CHAT: variants seen among roughly 807,000 people sequenced by gnomAD.
The protein encoded by CHAT is acetyl CoA:choline O-acetyltransferase.
In CHAT, 61 loss-of-function variants were observed where a neutral mutation model predicts 76.9. That is an observed-to-expected ratio of 0.79 (90% CI 0.65 to 0.98). The LOEUF (loss-of-function observed/expected upper bound fraction) is 0.98, where lower values mean the gene tolerates loss of function less well. Ranked by LOEUF, CHAT falls within the 50% of genes least tolerant of loss-of-function variation. The pLI is 0.00. For missense variants in CHAT, 946 were observed against 986.9 expected (o/e 0.96, Z 0.56); for synonymous variants, 407 against 397.4 (o/e 1.02, Z -0.29).
In CHAT at chr10:49,648,538, T is replaced by C; in HGVS notation, c.1313T>C (p.Val438Ala). 2 of 1,613,946 alleles carry C rather than the reference T, an allele frequency of 1.2e-6. No individual in the cohort carries two copies. Among genetic ancestry groups the C allele is most frequent in the Non-Finnish European group, 1.7e-6 (2 of 1,179,930 alleles). The change falls in exon 9 of 15, where the codon GTG becomes GCG. Residue 438 changes from valine (V) to alanine (A), a missense_variant. Coordinates refer to ENST00000337653, the MANE Select transcript of CHAT (RefSeq NM_020549.5). ...FVVGRDGTCG[V>A]VCEHSPFDGI... Reference sequence around the variant, plus strand: ...GTGGGCCGAGACGGCACCTGCGGTGTGGTGTGCGAACACTCCCCATTCGAT... The same window carrying C: ...GTGGGCCGAGACGGCACCTGCGGTGCGGTGTGCGAACACTCCCCATTCGAT...
At chr10:49,610,946 A>G, upstream of CHAT, 10 of 1,610,600 alleles carry the variant, frequency 6.2e-6, no homozygotes, top group Non-Finnish European at 8.5e-6. Flanking sequence ...GGGGGCGGCG[A>G]GGGCCCCACC....
intron 6 of CHAT, among the ~76,000 whole-genome samples, chr10:49,626,095 A>AG (rs1348130271): frequency 1.3e-5 from 2 of 152,190 alleles, no homozygotes; most frequent in African/African-American, 4.8e-5. Context: ...GACCATGCAG[A>AG]GGGGGCCTTA....
chr10:49,664,584 C>T (rs1158234065), intron 14 of CHAT, among the ~76,000 whole-genome samples, 193 bp from the exon 15 acceptor site: 1 of 152,168 alleles, frequency 6.6e-6, no homozygotes, highest in East Asian at 1.9e-4. Context: ...GCTTGGGGCC[C>T]CTCATCCTCT....
At chr10:49,634,513 G>A (rs1353141646) in intron 7 of CHAT, among the ~76,000 whole-genome samples, 1 of 152,204 alleles carries the variant, frequency 6.6e-6, no homozygotes, top group Non-Finnish European at 1.5e-5. Flanking sequence ...TCTTTGCATG[G>A]AATCCTAATC....
chr10:49,611,774 C>G (rs780991045), upstream of CHAT: 35 of 1,603,340 alleles, frequency 2.2e-5, no homozygotes, highest in South Asian at 3.8e-4. Context: ...GTCTACCTCA[C>G]CGTGCGCCTG....
rs1306952313 is a variant in CHAT, at chr10:49,625,545, G to C, written c.825G>C (p.Gly275=). The part of the protein sequence containing the change: ...GQPLCMKQYY[G]LFSSYRLPGH... ...CCCTTTGCATGAAGCAATACTATGG[G>C]CTCTTCTCCTCCTACCGGCTCCCCG... The change falls in exon 6 of 15, where the codon GGG becomes GGC. Residue 275 remains glycine, a synonymous_variant. Transcript: ENST00000337653. The C allele has an allele frequency of 6.2e-7, 1 of 1,613,556 alleles. No homozygotes were observed. Among genetic ancestry groups the C allele is most frequent in the Non-Finnish European group, 8.5e-7 (1 of 1,179,960 alleles).
intron 10 of CHAT, among the ~76,000 whole-genome samples, chr10:49,651,406 C>T (rs1006801576): frequency 7.9e-5 from 12 of 152,172 alleles, no homozygotes; most frequent in African/African-American, 2.9e-4. Flanking sequence ...GCACATAGAC[C>T]TTGCCAGACA....
intron 11 of CHAT, 89 bp downstream of exon 11, chr10:49,652,095 G>C: frequency 6.4e-7 from 1 of 1,568,478 alleles, no homozygotes; most frequent in Admixed American, 1.7e-5. Context: ...CTGGAGGGAG[G>C]GACAGCCTTC....
chr10:49,654,213 G>A (rs1168888608), intron 11 of CHAT, among the ~76,000 whole-genome samples: 2 of 152,202 alleles, frequency 1.3e-5, no homozygotes, highest in Admixed American at 1.3e-4. Flanking sequence ...TGTACAGGAA[G>A]GTCATTCCCT....
intron 11 of CHAT, among the ~76,000 whole-genome samples, 179 bp downstream of exon 11, chr10:49,652,185 G>C (rs948134168): frequency 3.9e-5 from 6 of 152,166 alleles, no homozygotes; most frequent in African/African-American, 1.2e-4. Flanking sequence ...TCCAACCTCA[G>C]AACAAGAAGG....
At chr10:49,619,361 T>C (rs1287639741) in intron 2 of CHAT, among the ~76,000 whole-genome samples, 1 of 152,198 alleles carries the variant, frequency 6.6e-6, no homozygotes, top group African/African-American at 2.4e-5. Flanking sequence ...CTATGAGAGA[T>C]AGGGGTTACT....
intron 7 of CHAT, among the ~76,000 whole-genome samples, chr10:49,642,945 G>C (rs974534103): frequency 3.3e-5 from 5 of 152,308 alleles, no homozygotes; most frequent in African/African-American, 9.6e-5. Flanking sequence ...GTTGTTGCTG[G>C]CTGAAGTCAC....
At position 49,659,271 on chromosome 10, in the gene CHAT, T is replaced by C. The variant is rs115801429; in HGVS notation, c.1840-3374T>C. 3.6e-3 allele frequency among the ~76,000 whole-genome samples: 550 copies of C among 152,320 alleles called. 5 individuals carry two copies. The highest frequency in any genetic ancestry group is 0.013 in the African/African-American group (529 of 41,570). ...CAAGTTTGAAGATGCATCAAAGATATTTTTAGACAGAGAAAGTCTCAAACA... is the reference window on the plus strand; with the variant it reads ...CAAGTTTGAAGATGCATCAAAGATACTTTTAGACAGAGAAAGTCTCAAACA... On this transcript the variant is annotated intron_variant, in intron 13 of 14. Transcript: ENST00000337653.
At chr10:49,620,380 A>G (rs1433056191) in intron 3 of CHAT, 115 bp from the exon 4 acceptor site, 2 of 800,684 alleles carry the variant, frequency 2.5e-6, no homozygotes, top group East Asian at 2.6e-5. Flanking sequence ...GGCTTAGCAT[A>G]TATTTGTGGA....
At chr10:49,616,181 C>A in intron 1 of CHAT, 1 of 1,303,906 alleles carries the variant, frequency 7.7e-7, no homozygotes, top group Non-Finnish European at 1.1e-6. Context: ...GGAACAAAGG[C>A]AGCACTCTGC....
At position 49,667,449 on chromosome 10, in the gene CHAT, A is replaced by G. The variant is rs1461913870; in HGVS notation, c.*2403A>G. ...TTCAGATATCAAACTATGCACTGTG[A>G]GGGCTATGAGAAGCGCAAACAGTAA... On this transcript the variant is annotated 3_prime_UTR_variant, in exon 15 of 15. Transcript: ENST00000337653. Among the ~76,000 whole-genome samples, 1 of 152,226 alleles carries G rather than the reference A, an allele frequency of 6.6e-6. No individual in the cohort carries two copies. Among genetic ancestry groups the G allele is most frequent in the Non-Finnish European group, 1.5e-5 (1 of 68,038 alleles).
intron 7 of CHAT, among the ~76,000 whole-genome samples, chr10:49,628,020 T>C (rs957307044): frequency 6.6e-6 from 1 of 151,992 alleles, no homozygotes; most frequent in Admixed American, 6.6e-5. Flanking sequence ...AGTGCTGGAA[T>C]TGGGGATGTC....
intron 7 of CHAT, among the ~76,000 whole-genome samples, chr10:49,639,064 G>A (rs1177825877): frequency 6.6e-6 from 1 of 152,022 alleles, no homozygotes. Flanking sequence ...GACAAACCCT[G>A]TCTCTACTAA....
intron 13 of CHAT, among the ~76,000 whole-genome samples, chr10:49,660,377 G>A (rs1383838680): frequency 6.6e-6 from 1 of 151,824 alleles, no homozygotes; most frequent in African/African-American, 2.4e-5. Context: ...AGGAGGCAGA[G>A]GTTGCAGTGA....
Sources: allele counts gnomAD v4.1 joint callset (sites outside exome capture counted in the v4.1 genomes callset), GRCh38; gene constraint gnomAD v4.1.1; transcripts MANE v1.5; gene names NCBI Gene and HGNC (gene_info 2026-07-23, HGNC 2026-07-21).